Variants in ZFAT observed in about 807,000 individuals in gnomAD.
ZFAT encodes zinc finger protein ZFAT.
A neutral mutation model predicts 117.7 loss-of-function variants in ZFAT; 64 were observed. The observed-to-expected ratio is 0.54, with a 90% CI of 0.44 to 0.67. The LOEUF (loss-of-function observed/expected upper bound fraction) is 0.67, where lower values mean the gene tolerates loss of function less well. Ranked by LOEUF, ZFAT falls within the 30% of genes least tolerant of loss-of-function variation. The pLI is 0.00. For missense variants in ZFAT, 1,433 were observed against 1,584.5 expected, an observed-to-expected ratio of 0.90 and a Z score of 1.62; for synonymous variants, 679 against 615.0, an observed-to-expected ratio of 1.10 and a Z score of -1.54.
chr8:134,595,843 A>G (rs751960182), intron 7 of ZFAT, among the ~76,000 whole-genome samples: 1 of 152,230 alleles, frequency 6.6e-6, no homozygotes. Context: ...ACAGGCACTC[A>G]GCCAGATTAT....
the ZFAT span, among the ~76,000 whole-genome samples, chr8:134,760,281 A>AAC: frequency 0.044 from 5,682 of 128,720 alleles, 157 homozygotes; most frequent in Middle Eastern, 0.085. Context: ...AAGAAAAAAA[A>AAC]AAAAAAACAA....
chr8:134,813,208 C>T, the ZFAT span, among the ~76,000 whole-genome samples: 1 of 152,176 alleles, frequency 6.6e-6, no homozygotes. Flanking sequence ...AATTCATACA[C>T]AATCTGGTTG....
intron 2 of ZFAT, 66 bp downstream of exon 2, chr8:134,657,495 C>T (rs1831676102): frequency 6.8e-7 from 1 of 1,460,400 alleles, no homozygotes; most frequent in Admixed American, 2.3e-5. Context: ...CTGCTATGCC[C>T]ACGGAGCAAA....
At chr8:134,598,026 C>T (rs1314005438) in intron 7 of ZFAT, 3 of 152,344 alleles carry the variant, frequency 2.0e-5, no homozygotes, top group Admixed American at 1.3e-4. Context: ...CACGGCACAA[C>T]ATCTGCCTCA....
At chr8:134,801,686 G>C in the ZFAT span, among the ~76,000 whole-genome samples, 1 of 151,986 alleles carries the variant, frequency 6.6e-6, no homozygotes, top group African/African-American at 2.4e-5. Flanking sequence ...CATTCAAATA[G>C]GCCCCTCCCA....
intron 10 of ZFAT, among the ~76,000 whole-genome samples, chr8:134,575,022 T>G (rs1297448464): frequency 6.6e-6 from 1 of 152,152 alleles, no homozygotes; most frequent in Non-Finnish European, 1.5e-5. Context: ...CCTAATGATG[T>G]AAATTAACTG....
At chr8:134,577,655 G>A (rs1203134665) in intron 10 of ZFAT, among the ~76,000 whole-genome samples, 1 of 152,182 alleles carries the variant, frequency 6.6e-6, no homozygotes, top group Non-Finnish European at 1.5e-5. Flanking sequence ...TCTAAGTGCT[G>A]AGGATACAAA....
the ZFAT span, among the ~76,000 whole-genome samples, chr8:134,825,142 C>G: frequency 6.6e-6 from 1 of 152,154 alleles, no homozygotes; most frequent in South Asian, 2.1e-4. Context: ...ATATTCCCAG[C>G]AATAACATGT....
At chr8:134,506,357 C>T (rs544414232) in intron 15 of ZFAT, among the ~76,000 whole-genome samples, 2 of 152,174 alleles carry the variant, frequency 1.3e-5, no homozygotes, top group African/African-American at 2.4e-5. Context: ...TCTTTCTGAG[C>T]GTTGGGAGAT....
At chr8:134,662,812 G>T (rs78445952) in intron 1 of ZFAT, among the ~76,000 whole-genome samples, 1,714 of 152,362 alleles carry the variant, frequency 0.011, 33 homozygotes, top group African/African-American at 0.039. Context: ...AAAGGCCAGA[G>T]GGGAGGCAGC....
chr8:134,697,593 A>G (rs1369857971), intron 1 of ZFAT, among the ~76,000 whole-genome samples: 3 of 150,942 alleles, frequency 2.0e-5, no homozygotes, highest in South Asian at 4.2e-4. Flanking sequence ...CGGGCGTGGT[A>G]GCGGGCGCCT....
intron 1 of ZFAT, among the ~76,000 whole-genome samples, chr8:134,699,863 G>A (rs1010329291): frequency 5.3e-5 from 8 of 152,304 alleles, no homozygotes; most frequent in Non-Finnish European, 8.8e-5. Flanking sequence ...TCATGCTGTC[G>A]GGATGGACAA....
chr8:134,828,672 C>T, the ZFAT span, among the ~76,000 whole-genome samples: 3 of 152,188 alleles, frequency 2.0e-5, no homozygotes, highest in Admixed American at 6.5e-5. Context: ...TATTAACTCA[C>T]ATTCCTTTTT....
At chr8:134,686,977 A>G (rs1833353469) in intron 1 of ZFAT, among the ~76,000 whole-genome samples, 1 of 152,192 alleles carries the variant, frequency 6.6e-6, no homozygotes, top group African/African-American at 2.4e-5. Flanking sequence ...TGCAGAGGCT[A>G]ACGTGCAGAG....
intron 13 of ZFAT, among the ~76,000 whole-genome samples, chr8:134,519,515 T>A (rs981182925): frequency 6.6e-6 from 1 of 152,266 alleles, no homozygotes; most frequent in Admixed American, 6.5e-5. Context: ...CAGGTGTACA[T>A]GTATCTACAA....
At chr8:134,563,849 G>T (rs1824228887) in intron 11 of ZFAT, among the ~76,000 whole-genome samples, 1 of 152,070 alleles carries the variant, frequency 6.6e-6, no homozygotes, top group East Asian at 1.9e-4. Flanking sequence ...CAAAAATCAG[G>T]GTGCCTTGAC....
At chr8:134,527,629 G>T (rs1467374030) in intron 12 of ZFAT, among the ~76,000 whole-genome samples, 1 of 152,218 alleles carries the variant, frequency 6.6e-6, no homozygotes, top group African/African-American at 2.4e-5. Flanking sequence ...AAGCACTGAG[G>T]TGGAGGGTTC....
the ZFAT span, among the ~76,000 whole-genome samples, chr8:134,817,308 C>G: frequency 1.3e-5 from 2 of 151,670 alleles, no homozygotes; most frequent in African/African-American, 4.8e-5. Flanking sequence ...TTCCATCCTG[C>G]CTGCCAATTC....
intron 4 of ZFAT, among the ~76,000 whole-genome samples, chr8:134,609,518 G>A (rs997254489): frequency 2.0e-5 from 3 of 152,222 alleles, no homozygotes; most frequent in South Asian, 2.1e-4. Flanking sequence ...GTTCTCTACC[G>A]ATCACCTTGG....
Sources: gnomAD v4.1 joint callset for allele counts (sites outside exome capture counted in the v4.1 genomes callset) on GRCh38, gnomAD v4.1.1 for gene constraint, MANE v1.5 for transcripts, NCBI Gene and HGNC (gene_info 2026-07-23, HGNC 2026-07-21) for gene names.